The following PHKB variants were observed in gnomAD, a reference collection of about 807,000 sequenced individuals.
PHKB encodes phosphorylase kinase regulatory subunit beta.
PHKB carries 122 observed loss-of-function variants against 152.1 expected under a neutral mutation model. The ratio of observed to expected loss-of-function variants is 0.80; its 90% CI spans 0.69 to 0.93. PHKB has a LOEUF of 0.93. Ranked by LOEUF, PHKB falls within the 40% of genes least tolerant of loss-of-function variation. The pLI, the probability that PHKB is intolerant of heterozygous loss-of-function variation, is 0.00. For missense variants in PHKB, 1,304 were observed against 1,328.4 expected, an observed-to-expected ratio of 0.98 and a Z score of 0.29; for synonymous variants, 436 against 464.9, an observed-to-expected ratio of 0.94 and a Z score of 0.80.
chr16:47,548,787 A>G (rs1455507530), intron 7 of PHKB, among the ~76,000 whole-genome samples: 1 of 152,166 alleles, frequency 6.6e-6, no homozygotes, highest in Non-Finnish European at 1.5e-5. Context: ...TGACCTTTTT[A>G]TGATTCAGTT....
chr16:47,679,489 C>T (rs1243813257), intron 26 of PHKB, among the ~76,000 whole-genome samples: 1 of 152,112 alleles, frequency 6.6e-6, no homozygotes, highest in Non-Finnish European at 1.5e-5. Context: ...CCTTCACATC[C>T]CTTGTAAGTT....
At chr16:47,525,338 A>G (rs534076528) in intron 6 of PHKB, among the ~76,000 whole-genome samples, 3 of 152,328 alleles carry the variant, frequency 2.0e-5, no homozygotes, top group African/African-American at 4.8e-5. Flanking sequence ...TTTTTCTTCA[A>G]TAAGGCAGAG....
intron 13 of PHKB, among the ~76,000 whole-genome samples, chr16:47,604,261 AGTTT>A (rs1972285334): frequency 6.6e-6 from 1 of 152,018 alleles, no homozygotes; most frequent in South Asian, 2.1e-4. Flanking sequence ...ATATTTTCCT[AGTTT>A]GTTTGCCTTT....
intron 14 of PHKB, among the ~76,000 whole-genome samples, chr16:47,628,254 C>T (rs970820396): frequency 5.9e-5 from 9 of 152,144 alleles, no homozygotes; most frequent in African/African-American, 1.4e-4. Flanking sequence ...AACTACTGGC[C>T]GGGCGCGGTG....
intron 14 of PHKB, among the ~76,000 whole-genome samples, chr16:47,616,296 A>G (rs1972512839): frequency 6.6e-6 from 1 of 151,704 alleles, no homozygotes; most frequent in South Asian, 2.1e-4. Flanking sequence ...TAAGAATTTT[A>G]TAGTTTTAGC....
intron 1 of PHKB, among the ~76,000 whole-genome samples, chr16:47,479,044 A>G (rs1969919185): frequency 6.6e-6 from 1 of 152,230 alleles, no homozygotes; most frequent in Admixed American, 6.5e-5. Context: ...CTTCCACGAA[A>G]TAAGGGACTT....
chr16:47,558,427 A>G (rs1180341440), intron 7 of PHKB, among the ~76,000 whole-genome samples: 3 of 152,188 alleles, frequency 2.0e-5, no homozygotes, highest in Non-Finnish European at 2.9e-5. Context: ...AGGTCATGTT[A>G]TGATTGTGTT....
At chr16:47,666,342 G>T (rs1164078046) in intron 25 of PHKB, among the ~76,000 whole-genome samples, 1 of 152,180 alleles carries the variant, frequency 6.6e-6, no homozygotes, top group East Asian at 1.9e-4. Context: ...GTTTCGGATA[G>T]GCAGAACAGA....
intron 6 of PHKB, among the ~76,000 whole-genome samples, chr16:47,519,400 C>G (rs945517789): frequency 6.6e-6 from 1 of 152,172 alleles, no homozygotes; most frequent in Non-Finnish European, 1.5e-5. Context: ...GTGGTGCTGG[C>G]TTGGGGTCTC....
chr16:47,664,075 G>T, intron 24 of PHKB: 1 of 276,124 alleles, frequency 3.6e-6, no homozygotes, highest in Non-Finnish European at 6.9e-6. Context: ...ATTATAGAAG[G>T]CCATGAAAAG....
In PHKB at chr16:47,699,543, G is replaced by A. The variant is rs534953056; in HGVS notation, c.*177G>A. On this transcript the variant is annotated 3_prime_UTR_variant, in exon 31 of 31. Coordinates refer to ENST00000323584, the MANE Select transcript of PHKB (RefSeq NM_000293.3). ...TGTCATAGCCAATCTAACGGTAATGGTAAATGCTTTTAATCAAGCAGGAAA... is the reference window on the plus strand; with the variant it reads ...TGTCATAGCCAATCTAACGGTAATGATAAATGCTTTTAATCAAGCAGGAAA... 1.4e-6 allele frequency: 1 copy of A among 719,174 alleles called. No individual in the cohort carries two copies. The highest frequency in any genetic ancestry group is 1.7e-5 in the African/African-American group (1 of 57,894). 44.5% of individuals were successfully genotyped at this position (719,174 alleles called of 1,614,324 possible). A position where few individuals can be genotyped will look rare whatever the true frequency, so the allele number is the denominator to read the frequency against.
intron 26 of PHKB, 72 bp from the exon 27 acceptor site, chr16:47,688,969 C>A: frequency 1.3e-6 from 2 of 1,515,050 alleles, no homozygotes; most frequent in Non-Finnish European, 1.8e-6. Flanking sequence ...CTATTAAGGG[C>A]ATTGCTGAGA....
chr16:47,570,731 CA>C (rs2151687387), intron 7 of PHKB, among the ~76,000 whole-genome samples: 1 of 151,528 alleles, frequency 6.6e-6, no homozygotes, highest in East Asian at 1.9e-4. Flanking sequence ...TCTTGGATCT[CA>C]TTGAGTAACT....
intron 6 of PHKB, among the ~76,000 whole-genome samples, chr16:47,547,220 C>T (rs772298888): frequency 1.2e-4 from 18 of 152,150 alleles, no homozygotes; most frequent in Middle Eastern, 3.4e-3. Flanking sequence ...CGGAGCTGTT[C>T]GTATTCGGCT....
intron 30 of PHKB, 89 bp from the exon 31 acceptor site, chr16:47,699,140 T>C (rs777689902): frequency 9.0e-6 from 11 of 1,224,586 alleles, no homozygotes; most frequent in African/African-American, 8.9e-5. Context: ...TATGTGAATT[T>C]ATTTTTCCCC....
At chr16:47,556,129 G>A (rs1971365051) in intron 7 of PHKB, among the ~76,000 whole-genome samples, 1 of 152,184 alleles carries the variant, frequency 6.6e-6, no homozygotes, top group Admixed American at 6.6e-5. Context: ...TTTGTATCCT[G>A]AGACTTTGCT....
chr16:47,693,042 GTTA>G (rs1157388599), intron 27 of PHKB, among the ~76,000 whole-genome samples: 13 of 152,118 alleles, frequency 8.5e-5, no homozygotes, highest in African/African-American at 1.9e-4. Flanking sequence ...ACAACATCAA[GTTA>G]TTATGAAATT....
chr16:47,566,842 C>A, intron 7 of PHKB: 1 of 719,120 alleles, frequency 1.4e-6, no homozygotes, highest in Non-Finnish European at 2.6e-6. Flanking sequence ...GCCAGAGAGT[C>A]TGTTAGGGAG....
intron 1 of PHKB, among the ~76,000 whole-genome samples, chr16:47,494,450 G>A (rs2151640266): frequency 6.6e-6 from 1 of 152,244 alleles, no homozygotes; most frequent in African/African-American, 2.4e-5. Flanking sequence ...AAGATAATGG[G>A]TAAGGCAGCT....
Sources: allele counts gnomAD v4.1 joint callset (sites outside exome capture counted in the v4.1 genomes callset), GRCh38; gene constraint gnomAD v4.1.1; transcripts MANE v1.5; gene names NCBI Gene and HGNC (gene_info 2026-07-23, HGNC 2026-07-21).